FZD3: variants seen among roughly 807,000 people sequenced by gnomAD.
FZD3 encodes the protein frizzled-3.
FZD3 carries 30 observed loss-of-function variants against 60.7 expected under a neutral mutation model. The ratio of observed to expected loss-of-function variants is 0.49; its 90% CI spans 0.37 to 0.67. The LOEUF (loss-of-function observed/expected upper bound fraction) is 0.67. Among genes scored for constraint, FZD3 ranks in the 30% least tolerant of loss-of-function variants. The pLI is 0.00. For missense variants in FZD3, 605 were observed against 838.7 expected, an observed-to-expected ratio of 0.72 and a Z score of 3.44; for synonymous variants, 246 against 275.2, an observed-to-expected ratio of 0.89 and a Z score of 1.05.
chr8:28,560,508 T>G (rs1805594293), intron 7 of FZD3, among the ~76,000 whole-genome samples: 1 of 152,210 alleles, frequency 6.6e-6, no homozygotes, highest in Non-Finnish European at 1.5e-5. Flanking sequence ...GGAATTTAGA[T>G]TAAATTATTC....
rs1320410554 is a variant in FZD3, at chr8:28,568,487, T to C, written c.*5476T>C. The C allele has an allele frequency of 6.6e-6, 1 of 152,088 alleles. No homozygotes were observed. The highest frequency in any genetic ancestry group is 1.5e-5 in the Non-Finnish European group (1 of 67,976). The allele number at this position is 152,088 out of a possible 1,614,324, so 9.4% of individuals were successfully genotyped here. On this transcript the variant is annotated 3_prime_UTR_variant, in exon 8 of 8. Transcript: ENST00000240093. ...ATTTAATCTTAATCCTGTGCTTCTTTAGTCATCAAATTGATATAGGATTAC... is the reference window on the plus strand; with the variant it reads ...ATTTAATCTTAATCCTGTGCTTCTTCAGTCATCAAATTGATATAGGATTAC...
intron 1 of FZD3, among the ~76,000 whole-genome samples, chr8:28,498,834 G>C (rs531710928): frequency 6.6e-6 from 1 of 152,272 alleles, no homozygotes; most frequent in South Asian, 2.1e-4. Flanking sequence ...CAAAATGCTT[G>C]GATTACAGGC....
At chr8:28,528,224 TATA>T in intron 5 of FZD3, 60 bp downstream of exon 5, 1 of 1,272,112 alleles carries the variant, frequency 7.9e-7, no homozygotes, top group Non-Finnish European at 1.1e-6. Context: ...AGCATATTAC[TATA>T]ATGAGTTAAT....
At chr8:28,511,632 G>T (rs559056654) in intron 3 of FZD3, among the ~76,000 whole-genome samples, 16 of 152,182 alleles carry the variant, frequency 1.1e-4, no homozygotes, top group Non-Finnish European at 1.9e-4. Context: ...TGCCTGGAAG[G>T]CTCTTGTAGT....
rs776375064 is a variant in FZD3 at position 28,562,980 on chromosome 8, G to A, written c.1970G>A (p.Arg657Gln). The A allele has an allele frequency of 8.1e-6, 13 of 1,613,018 alleles. No individual in the cohort carries two copies. The highest frequency in any genetic ancestry group is 6.7e-5 in the African/African-American group (5 of 74,856). Reference sequence around the variant, plus strand: ...ATCACACATGGCACCAGCATGAATCGGGTTATTGAAGAAGATGGAACCAGT... The same window carrying A: ...ATCACACATGGCACCAGCATGAATCAGGTTATTGAAGAAGATGGAACCAGT... ...THITHGTSMN[R>Q]VIEEDGTSA Residue 657 changes from arginine to glutamine, a missense_variant, in exon 8 of 8, where the codon CGG (arginine) becomes CAG (glutamine). Physicochemically the swap from Arg to Gln is conservative, Grantham distance 43. Transcript: ENST00000240093.
At chr8:28,521,653 A>T (rs1345238737) in intron 4 of FZD3, among the ~76,000 whole-genome samples, 3 of 152,194 alleles carry the variant, frequency 2.0e-5, no homozygotes, top group African/African-American at 7.2e-5. Flanking sequence ...TTGTTTTAAA[A>T]TCATTCCCAT....
intron 4 of FZD3, among the ~76,000 whole-genome samples, chr8:28,526,661 T>C (rs1804721480): frequency 6.6e-6 from 1 of 152,160 alleles, no homozygotes; most frequent in Non-Finnish European, 1.5e-5. Flanking sequence ...GTGAAGAAAA[T>C]GGTTTGTATT....
intron 1 of FZD3, among the ~76,000 whole-genome samples, chr8:28,495,142 A>C (rs532970596): frequency 2.0e-5 from 3 of 152,342 alleles, no homozygotes; most frequent in African/African-American, 7.2e-5. Flanking sequence ...TTTACATCTT[A>C]GGAGTCTTGA....
intron 5 of FZD3, among the ~76,000 whole-genome samples, chr8:28,551,124 T>C (rs1472344229): frequency 2.6e-5 from 4 of 152,194 alleles, no homozygotes. Context: ...ATGTATAGAG[T>C]ATAAATTTAT....
intron 3 of FZD3, among the ~76,000 whole-genome samples, chr8:28,507,025 CA>C (rs2130293544): frequency 6.6e-6 from 1 of 152,232 alleles, no homozygotes; most frequent in East Asian, 1.9e-4. Context: ...AAATTTCATC[CA>C]TAAATATTTT....
intron 6 of FZD3, among the ~76,000 whole-genome samples, chr8:28,552,360 G>A (rs1438423513): frequency 6.6e-6 from 1 of 152,086 alleles, no homozygotes; most frequent in Non-Finnish European, 1.5e-5. Flanking sequence ...ATTCATAGTT[G>A]GCCATACTGC....
In FZD3 at chr8:28,567,202, G is replaced by A. The variant is rs191041710; in HGVS notation, c.*4191G>A. On this transcript the variant is annotated 3_prime_UTR_variant, in exon 8 of 8. Coordinates refer to ENST00000240093, the MANE Select transcript of FZD3 (RefSeq NM_017412.4). ...GGAGTCTGGCTTTGTTGCCCAGGCT[G>A]GAGTGCAGTGGCACAATCTCAGCTC... 856 of 152,682 alleles carry A rather than the reference G, an allele frequency of 5.6e-3. 3 individuals are homozygous for A. The highest frequency in any genetic ancestry group is 7.4e-3 in the Non-Finnish European group (508 of 68,450). The allele number at this position is 152,682 out of a possible 1,614,324, so 9.5% of individuals were successfully genotyped here.
chr8:28,519,353 G>A (rs1406838039), intron 3 of FZD3, among the ~76,000 whole-genome samples: 1 of 152,066 alleles, frequency 6.6e-6, no homozygotes, highest in Non-Finnish European at 1.5e-5. Context: ...TTTTATGTTT[G>A]GGGTTACTAT....
At chr8:28,535,269 T>C (rs941591313) in intron 5 of FZD3, among the ~76,000 whole-genome samples, 9 of 152,300 alleles carry the variant, frequency 5.9e-5, no homozygotes, top group Admixed American at 3.9e-4. Flanking sequence ...TAGCACAGTT[T>C]TAGATTGACA....
intron 5 of FZD3, among the ~76,000 whole-genome samples, chr8:28,531,611 C>T (rs1161369614): frequency 6.6e-6 from 1 of 152,142 alleles, no homozygotes; most frequent in Non-Finnish European, 1.5e-5. Context: ...CATTTTGGCA[C>T]TCTCAGGCTT....
chr8:28,529,691 C>T (rs1804812008), intron 5 of FZD3, among the ~76,000 whole-genome samples: 1 of 151,984 alleles, frequency 6.6e-6, no homozygotes, highest in Non-Finnish European at 1.5e-5. Context: ...GATATTTTAT[C>T]ATTATATTAG....
In FZD3 at chr8:28,555,892, G is replaced by A; in HGVS notation, c.1708G>A (p.Asp570Asn). 6.2e-7 allele frequency: 1 copy of A among 1,614,100 alleles called. No individual in the cohort carries two copies. Among genetic ancestry groups the A allele is most frequent in the Non-Finnish European group, 8.5e-7 (1 of 1,179,982 alleles). ...TTCAACTCAGCTGGCTATGGTGGAT[G>A]ATCAAAGAAGCAAAGCAGGAAGCAT... Reference protein sequence around the residue: ...ASSTQLAMVDDQRSKAGSIHS... With the variant: ...ASSTQLAMVDNQRSKAGSIHS... Residue 570 changes from aspartate to asparagine, a missense_variant, in exon 7 of 8, where the codon GAT (aspartate) becomes AAT (asparagine). Transcript: ENST00000240093.
In FZD3 at chr8:28,568,523, C is replaced by T. The variant is rs1805745638; in HGVS notation, c.*5512C>T. 1 of 152,070 alleles carries T rather than the reference C, an allele frequency of 6.6e-6. No individual in the cohort carries two copies. 9.4% of individuals were successfully genotyped at this position (152,070 alleles called of 1,614,324 possible). On this transcript the variant is annotated 3_prime_UTR_variant, in exon 8 of 8. Transcript: ENST00000240093. ...TTGATATAGGATTACAATTTTCTCT[C>T]AGGATCCAAGTCTTCTAAGAATGAA... is the stretch of plus-strand genomic sequence containing the variant.
intron 3 of FZD3, among the ~76,000 whole-genome samples, chr8:28,516,840 T>C (rs1232206175): frequency 6.6e-6 from 1 of 152,186 alleles, no homozygotes; most frequent in East Asian, 1.9e-4. Context: ...TTGTGCATTC[T>C]TTTATTGTTT....
Sources: allele counts gnomAD v4.1 joint callset (sites outside exome capture counted in the v4.1 genomes callset), GRCh38; gene constraint gnomAD v4.1.1; transcripts MANE v1.5; gene names NCBI Gene and HGNC (gene_info 2026-07-23, HGNC 2026-07-21).